Variants in SLC16A10 observed in about 807,000 individuals in gnomAD.
SLC16A10 encodes the protein monocarboxylate transporter 10.
In SLC16A10, 27 loss-of-function variants were observed where a neutral mutation model predicts 40.0. The observed-to-expected ratio is 0.67, with a 90% CI of 0.50 to 0.93. The LOEUF (loss-of-function observed/expected upper bound fraction) is 0.93. Among genes scored for constraint, SLC16A10 ranks in the 40% least tolerant of loss-of-function variants. The pLI is 0.00. For synonymous variants in SLC16A10, 213 were observed against 249.8 expected, an observed-to-expected ratio of 0.85 and a Z score of 1.39; for missense variants, 529 against 658.2, an observed-to-expected ratio of 0.80 and a Z score of 2.15.
At chr6:111,192,501 A>T (rs1288678544) in intron 3 of SLC16A10, among the ~76,000 whole-genome samples, 3 of 152,022 alleles carry the variant, frequency 2.0e-5, no homozygotes, top group Non-Finnish European at 4.4e-5. Flanking sequence ...AGCCCTCCAG[A>T]CTGTTCCAAC....
intron 4 of SLC16A10, among the ~76,000 whole-genome samples, chr6:111,211,848 C>G (rs1252585071): frequency 1.3e-5 from 2 of 152,248 alleles, no homozygotes; most frequent in East Asian, 1.9e-4. Context: ...TTTGTTCCTT[C>G]CTTTTTCTCC....
intron 1 of SLC16A10, among the ~76,000 whole-genome samples, chr6:111,167,811 G>A (rs1320956002): frequency 6.6e-6 from 1 of 151,862 alleles, no homozygotes; most frequent in Non-Finnish European, 1.5e-5. Context: ...TGGGGGTACT[G>A]TTGTGTGCTA....
intron 1 of SLC16A10, among the ~76,000 whole-genome samples, chr6:111,124,926 G>A (rs2114479913): frequency 6.6e-6 from 1 of 152,204 alleles, no homozygotes; most frequent in Middle Eastern, 3.4e-3. Context: ...TACATTTTCT[G>A]GGAGTTTTTC....
rs775898969 is a variant in SLC16A10 at position 111,203,751 on chromosome 6, T to TAAAA, written c.943-2840_943-2837dup. On this transcript the variant is annotated intron_variant, in intron 3 of 5. Transcript: ENST00000368851. Reference sequence around the variant, plus strand: ...ATAAATAAATAAATAAATAAATAAATAAAATAATGCCCCTTCTAGTTGAAA... The same window carrying TAAAA: ...ATAAATAAATAAATAAATAAATAAATAAAAAAAATAATGCCCCTTCTAGTTGAAA... Among the ~76,000 whole-genome samples the TAAAA allele has an allele frequency of 1.3e-3, 190 of 147,718 alleles. 5 individuals are homozygous for TAAAA. The highest frequency in any genetic ancestry group is 3.6e-3 in the East Asian group (18 of 4,946).
chr6:111,136,070 C>T (rs1323497264), intron 1 of SLC16A10, among the ~76,000 whole-genome samples: 1 of 152,156 alleles, frequency 6.6e-6, no homozygotes, highest in Non-Finnish European at 1.5e-5. Context: ...AATATGGATT[C>T]CCAAGTACGG....
intron 2 of SLC16A10, among the ~76,000 whole-genome samples, chr6:111,176,176 G>A (rs395564): frequency 0.82 from 124,716 of 152,080 alleles, 51,328 homozygotes; most frequent in Non-Finnish European, 0.85. Flanking sequence ...CTGTGGATTA[G>A]TAGAGGGAGA....
At chr6:111,134,891 T>G (rs1204841585) in intron 1 of SLC16A10, among the ~76,000 whole-genome samples, 1 of 152,114 alleles carries the variant, frequency 6.6e-6, no homozygotes, top group Non-Finnish European at 1.5e-5. Context: ...TGGGTATGCT[T>G]GACCATTGAG....
intron 1 of SLC16A10, among the ~76,000 whole-genome samples, chr6:111,094,547 A>G (rs925735141): frequency 6.6e-6 from 1 of 152,190 alleles, no homozygotes; most frequent in African/African-American, 2.4e-5. Context: ...GTTTTGTTAA[A>G]TCAGAGTTCT....
At chr6:111,137,079 C>A (rs1771893381) in intron 1 of SLC16A10, among the ~76,000 whole-genome samples, 1 of 152,128 alleles carries the variant, frequency 6.6e-6, no homozygotes, top group Non-Finnish European at 1.5e-5. Context: ...AGGGAACCGC[C>A]GAGTGGATAT....
chr6:111,129,240 G>A lies in SLC16A10; in HGVS notation c.343+41145G>A, dbSNP rs75172487. On this transcript the variant is annotated intron_variant, in intron 1 of 5. Coordinates refer to ENST00000368851, the MANE Select transcript of SLC16A10 (RefSeq NM_018593.5). ...ATTTGGACCTTGGAGCAGTCTGTCA[G>A]GCTTCCAAGAAAGTGGGCAAAGAAG... is the stretch of plus-strand genomic sequence containing the variant. Among the ~76,000 whole-genome samples, 21 of 152,328 alleles carry A rather than the reference G, an allele frequency of 1.4e-4. No homozygotes were observed. In the South Asian group the frequency reaches 2.1e-3, roughly 15 times the overall value.
intron 1 of SLC16A10, among the ~76,000 whole-genome samples, chr6:111,107,423 G>T (rs1771303357): frequency 6.6e-6 from 1 of 152,124 alleles, no homozygotes; most frequent in Non-Finnish European, 1.5e-5. Flanking sequence ...TTTACAAAAA[G>T]TTTATGGGGA....
At chr6:111,123,699 C>G (rs956911248) in intron 1 of SLC16A10, among the ~76,000 whole-genome samples, 6 of 152,206 alleles carry the variant, frequency 3.9e-5, no homozygotes, top group Non-Finnish European at 5.9e-5. Flanking sequence ...GAGCCTGAAT[C>G]TGAGCCCCTT....
chr6:111,169,869 A>G (rs369316875), intron 1 of SLC16A10, among the ~76,000 whole-genome samples: 1 of 151,728 alleles, frequency 6.6e-6, no homozygotes, highest in Admixed American at 6.6e-5. Flanking sequence ...TGAAATCCAC[A>G]GTAATTCACA....
At chr6:111,168,685 A>C (rs1583340638) in intron 1 of SLC16A10, among the ~76,000 whole-genome samples, 1 of 152,236 alleles carries the variant, frequency 6.6e-6, no homozygotes, top group Admixed American at 6.5e-5. Flanking sequence ...AGACAGACCT[A>C]ACTTCATCTA....
At chr6:111,122,077 G>T (rs1771594092) in intron 1 of SLC16A10, among the ~76,000 whole-genome samples, 1 of 152,146 alleles carries the variant, frequency 6.6e-6, no homozygotes, top group Admixed American at 6.5e-5. Flanking sequence ...CCCATGTTCT[G>T]CTGTCACCCT....
At chr6:111,130,684 C>T (rs1010329293) in intron 1 of SLC16A10, among the ~76,000 whole-genome samples, 1 of 152,198 alleles carries the variant, frequency 6.6e-6, no homozygotes. Context: ...CCACCTGGGC[C>T]TTGGACCTGG....
intron 4 of SLC16A10, among the ~76,000 whole-genome samples, chr6:111,209,800 A>C (rs552203324): frequency 6.6e-6 from 1 of 152,250 alleles, no homozygotes; most frequent in South Asian, 2.1e-4. Context: ...TTTTCATTGA[A>C]TTTAGAATAG....
chr6:111,127,719 A>G (rs914597181), intron 1 of SLC16A10, among the ~76,000 whole-genome samples: 2 of 152,184 alleles, frequency 1.3e-5, no homozygotes, highest in Admixed American at 6.5e-5. Flanking sequence ...AGTCATCTCT[A>G]AAGTGGCATT....
intron 1 of SLC16A10, among the ~76,000 whole-genome samples, chr6:111,130,483 G>T (rs1315112426): frequency 6.6e-6 from 1 of 152,076 alleles, no homozygotes; most frequent in Non-Finnish European, 1.5e-5. Flanking sequence ...CCCCTTTTTG[G>T]GGGAGTATCA....
Sources: allele counts gnomAD v4.1 joint callset (sites outside exome capture counted in the v4.1 genomes callset), GRCh38; gene constraint gnomAD v4.1.1; transcripts MANE v1.5; gene names NCBI Gene and HGNC (gene_info 2026-07-23, HGNC 2026-07-21).